TOX: variants seen among roughly 807,000 people sequenced by gnomAD.
TOX encodes thymocyte selection associated high mobility group box.
Under a neutral mutation model 53.7 loss-of-function variants are expected in TOX, and 11 were observed. The observed-to-expected ratio is 0.20, with a 90% confidence interval of 0.13 to 0.34. The LOEUF (loss-of-function observed/expected upper bound fraction) is 0.34. Among genes scored for constraint, TOX ranks in the 10% least tolerant of loss-of-function variants. The pLI, the probability that TOX is intolerant of heterozygous loss-of-function variation, is 1.00. For missense variants in TOX, 570 were observed against 664.6 expected, an observed-to-expected ratio of 0.86 and a Z score of 1.56; for synonymous variants, 225 against 245.3, an observed-to-expected ratio of 0.92 and a Z score of 0.77.
intron 1 of TOX, among the ~76,000 whole-genome samples, chr8:59,040,517 A>G (rs16924491): frequency 0.042 from 6,377 of 152,272 alleles, 279 homozygotes; most frequent in African/African-American, 0.11. Flanking sequence ...GAGTGCTAAT[A>G]TTCTGTGCTA....
intron 1 of TOX, among the ~76,000 whole-genome samples, chr8:59,021,771 T>C (rs1388290437): frequency 6.6e-6 from 1 of 152,072 alleles, no homozygotes; most frequent in Admixed American, 6.6e-5. Flanking sequence ...ATGCAGAGAA[T>C]CAAAATCATG....
chr8:58,820,447 G>A (rs531462180), intron 6 of TOX, among the ~76,000 whole-genome samples: 12 of 152,198 alleles, frequency 7.9e-5, no homozygotes, highest in African/African-American at 2.9e-4. Context: ...TATCCTTCCA[G>A]GTTGGCAATC....
chr8:58,942,938 A>G (rs1281840439), intron 2 of TOX, among the ~76,000 whole-genome samples: 1 of 152,204 alleles, frequency 6.6e-6, no homozygotes, highest in African/African-American at 2.4e-5. Context: ...CACCACCAGT[A>G]GAAGTTTCCT....
chr8:59,068,383 G>T (rs1001860294), intron 1 of TOX, among the ~76,000 whole-genome samples: 1 of 149,626 alleles, frequency 6.7e-6, no homozygotes, highest in Non-Finnish European at 1.5e-5. Context: ...GGAGACGGGG[G>T]ATAAAGAAGA....
At chr8:58,873,612 G>T (rs1585872868) in intron 3 of TOX, among the ~76,000 whole-genome samples, 1 of 152,222 alleles carries the variant, frequency 6.6e-6, no homozygotes, top group Non-Finnish European at 1.5e-5. Flanking sequence ...GAAAGAAGTT[G>T]TCTGTATACT....
chr8:59,041,761 C>A (rs544946374), intron 1 of TOX, among the ~76,000 whole-genome samples: 12 of 152,162 alleles, frequency 7.9e-5, no homozygotes, highest in African/African-American at 2.9e-4. Flanking sequence ...TGGATCTGCC[C>A]GTTATTACAA....
chr8:58,886,362 T>C (rs1043568190), intron 3 of TOX, among the ~76,000 whole-genome samples: 31 of 152,114 alleles, frequency 2.0e-4, no homozygotes, highest in Admixed American at 6.6e-5. Flanking sequence ...ATCAAATTGT[T>C]TCCCAAATTT....
intron 1 of TOX, among the ~76,000 whole-genome samples, chr8:59,115,391 C>G (rs1400027360): frequency 6.6e-6 from 1 of 152,162 alleles, no homozygotes; most frequent in African/African-American, 2.4e-5. Context: ...TGACGCTGCA[C>G]TAAGAAACTG....
At chr8:59,099,047 T>C (rs556433470) in intron 1 of TOX, among the ~76,000 whole-genome samples, 9 of 152,330 alleles carry the variant, frequency 5.9e-5, no homozygotes, top group Admixed American at 4.6e-4. Context: ...TTAGTTGTTA[T>C]GATGAATGCC....
At chr8:59,034,918 A>G (rs570597453) in intron 1 of TOX, among the ~76,000 whole-genome samples, 1 of 152,320 alleles carries the variant, frequency 6.6e-6, no homozygotes, top group Admixed American at 6.5e-5. Flanking sequence ...TGAGACACAC[A>G]GAAGTTAAGA....
intron 3 of TOX, among the ~76,000 whole-genome samples, chr8:58,874,642 G>A (rs1251071614): frequency 6.6e-6 from 1 of 152,156 alleles, no homozygotes; most frequent in Non-Finnish European, 1.5e-5. Flanking sequence ...TTAAAACACA[G>A]ATATGAGGTC....
chr8:59,065,797 C>G (rs1804077075), intron 1 of TOX, among the ~76,000 whole-genome samples: 1 of 152,158 alleles, frequency 6.6e-6, no homozygotes, highest in African/African-American at 2.4e-5. Context: ...TTCTTTCACT[C>G]TTGGTTTCTC....
At chr8:59,078,806 G>C (rs1426311043) in intron 1 of TOX, among the ~76,000 whole-genome samples, 1 of 152,184 alleles carries the variant, frequency 6.6e-6, no homozygotes, top group Non-Finnish European at 1.5e-5. Context: ...GGAAGATGAA[G>C]AAAAGTGTAT....
intron 1 of TOX, among the ~76,000 whole-genome samples, chr8:59,017,220 A>ATG (rs1814030473): frequency 1.3e-5 from 2 of 152,256 alleles, no homozygotes; most frequent in African/African-American, 4.8e-5. Context: ...TACTTATCAT[A>ATG]CTGTAGCACT....
chr8:58,985,866 C>G (rs1813319336), intron 1 of TOX, among the ~76,000 whole-genome samples: 1 of 152,104 alleles, frequency 6.6e-6, no homozygotes, highest in Non-Finnish European at 1.5e-5. Flanking sequence ...CAGGTATGGA[C>G]AAATTGGAAA....
intron 1 of TOX, among the ~76,000 whole-genome samples, chr8:59,003,618 T>C (rs541661797): frequency 7.5e-4 from 115 of 152,320 alleles, no homozygotes; most frequent in Non-Finnish European, 1.3e-3. Flanking sequence ...TCTATTTAAA[T>C]GCAAATTTGA....
intron 4 of TOX, among the ~76,000 whole-genome samples, chr8:58,843,796 G>A (rs968638886): frequency 6.6e-6 from 1 of 152,166 alleles, no homozygotes; most frequent in Admixed American, 6.5e-5. Flanking sequence ...GTAATGAACT[G>A]GGAATTTGTA....
In TOX at chr8:58,872,923, T is replaced by A. The variant is rs1013910521; in HGVS notation, c.412-21118A>T. ...AATTGTGACACATATATCATACTAA[T>A]GTAAGATGTTAAAAATAGGGGAATC... On this transcript the variant is annotated intron_variant, in intron 3 of 8. Coordinates refer to ENST00000361421, the MANE Select transcript of TOX (RefSeq NM_014729.3). Among the ~76,000 whole-genome samples, 3 of 152,266 alleles carry A rather than the reference T, an allele frequency of 2.0e-5. No homozygotes were observed. In the East Asian group the frequency reaches 5.8e-4, roughly 29 times the overall value.
rs1389002055 is a variant in TOX at position 58,928,374 on chromosome 8, G to T, written c.411+10928C>A. Among the ~76,000 whole-genome samples, 4 of 152,206 alleles carry T rather than the reference G, an allele frequency of 2.6e-5. No individual in the cohort carries two copies. In the East Asian group the frequency reaches 7.7e-4, roughly 29 times the overall value. ...AGCTATTAACAAGAGGTCCCACTCT[G>T]CATCTGTCCAGTGGGGAAATGGCCA... On this transcript the variant is annotated intron_variant, in intron 3 of 8. Transcript: ENST00000361421.
Sources: gnomAD v4.1 joint callset for allele counts (sites outside exome capture counted in the v4.1 genomes callset) on GRCh38, gnomAD v4.1.1 for gene constraint, MANE v1.5 for transcripts, NCBI Gene and HGNC (gene_info 2026-07-23, HGNC 2026-07-21) for gene names.